Variants in NKAIN2 observed in about 807,000 individuals in gnomAD.
The protein encoded by NKAIN2 is sodium/potassium-transporting ATPase subunit beta-1-interacting protein 2.
NKAIN2 carries 14 observed loss-of-function variants against 32.6 expected under a neutral mutation model. The ratio of observed to expected loss-of-function variants is 0.43; its 90% confidence interval spans 0.28 to 0.67. The LOEUF is 0.67. Ranked by LOEUF, NKAIN2 falls within the 30% of genes least tolerant of loss-of-function variation. The pLI is 0.17. For missense variants in NKAIN2, 198 were observed against 258.3 expected, an observed-to-expected ratio of 0.77 and a Z score of 1.60; for synonymous variants, 80 against 87.2, an observed-to-expected ratio of 0.92 and a Z score of 0.46.
intron 1 of NKAIN2, among the ~76,000 whole-genome samples, chr6:124,044,289 C>T (rs1248662645): frequency 6.6e-6 from 1 of 151,940 alleles, no homozygotes; most frequent in African/African-American, 2.4e-5. Flanking sequence ...AGGCAAAGTT[C>T]TAAGCCTTCT....
At chr6:124,043,360 A>G (rs1781966368) in intron 1 of NKAIN2, among the ~76,000 whole-genome samples, 1 of 152,170 alleles carries the variant, frequency 6.6e-6, no homozygotes, top group South Asian at 2.1e-4. Context: ...AAAAATAAAT[A>G]AATATTAGAC....
In NKAIN2 at chr6:124,425,419, A is replaced by T. The variant is rs377337700; in HGVS notation, c.273+70072A>T. Among the ~76,000 whole-genome samples, 18 of 152,244 alleles carry T rather than the reference A, an allele frequency of 1.2e-4. No individual in the cohort carries two copies. The East Asian group carries it at 1.4e-3, about 11-fold the overall frequency. On this transcript the variant is annotated intron_variant, in intron 3 of 6. Coordinates refer to ENST00000368417, the MANE Select transcript of NKAIN2 (RefSeq NM_001040214.3). ...TGATATTGGTCTTGGCAGTGACCAA[A>T]CAAAAGCAACAAAAACAAAAATAAA...
At chr6:124,669,203 C>CA (rs767575459) in intron 4 of NKAIN2, among the ~76,000 whole-genome samples, 5 of 152,044 alleles carry the variant, frequency 3.3e-5, no homozygotes, top group Non-Finnish European at 7.4e-5. Flanking sequence ...TAACCAATGG[C>CA]ATTGTATTCT....
chr6:124,800,918 CA>C (rs1265465101), intron 5 of NKAIN2, among the ~76,000 whole-genome samples: 1 of 152,104 alleles, frequency 6.6e-6, no homozygotes, highest in Non-Finnish European at 1.5e-5. Flanking sequence ...AATCCTGCTA[CA>C]AAATGAAAAT....
intron 1 of NKAIN2, among the ~76,000 whole-genome samples, chr6:124,081,622 A>G (rs190784681): frequency 1.4e-4 from 21 of 152,210 alleles, no homozygotes; most frequent in Admixed American, 1.4e-3. Flanking sequence ...TCAGTAAAGG[A>G]TATTAAAGTT....
intron 1 of NKAIN2, among the ~76,000 whole-genome samples, chr6:124,147,524 T>G (rs1007942989): frequency 7.9e-5 from 12 of 152,174 alleles, no homozygotes; most frequent in African/African-American, 1.4e-4. Context: ...AAAGGTTCAT[T>G]TTTCCAATAC....
At chr6:124,136,466 A>C (rs1242764224) in intron 1 of NKAIN2, among the ~76,000 whole-genome samples, 1 of 152,154 alleles carries the variant, frequency 6.6e-6, no homozygotes, top group Non-Finnish European at 1.5e-5. Context: ...AAACTATTCC[A>C]AAAGATGGGG....
chr6:123,982,425 G>A (rs1778941575), intron 1 of NKAIN2, among the ~76,000 whole-genome samples: 1 of 152,168 alleles, frequency 6.6e-6, no homozygotes, highest in African/African-American at 2.4e-5. Flanking sequence ...ACTGCATAGG[G>A]CTTAGATGAG....
intron 2 of NKAIN2, among the ~76,000 whole-genome samples, chr6:124,285,325 C>T (rs1795488657): frequency 6.6e-6 from 1 of 152,114 alleles, no homozygotes; most frequent in South Asian, 2.1e-4. Context: ...CTTACAATAT[C>T]ATGCTGTCTG....
At chr6:123,975,539 G>T (rs892031435) in intron 1 of NKAIN2, among the ~76,000 whole-genome samples, 3 of 152,160 alleles carry the variant, frequency 2.0e-5, no homozygotes, top group Admixed American at 6.6e-5. Flanking sequence ...CACTTGGACT[G>T]CTGTAACAAA....
chr6:124,701,436 A>G (rs1398765301), intron 4 of NKAIN2, among the ~76,000 whole-genome samples: 1 of 152,038 alleles, frequency 6.6e-6, no homozygotes, highest in Non-Finnish European at 1.5e-5. Flanking sequence ...TTAAGTATGT[A>G]TTTTTGCGAT....
chr6:124,238,618 A>G (rs895338846), intron 1 of NKAIN2, among the ~76,000 whole-genome samples: 28 of 152,142 alleles, frequency 1.8e-4, no homozygotes, highest in African/African-American at 6.5e-4. Flanking sequence ...TGATTTCTGC[A>G]TTTGCAGCTA....
intron 1 of NKAIN2, among the ~76,000 whole-genome samples, chr6:124,274,412 A>T (rs1387767632): frequency 6.6e-6 from 1 of 152,154 alleles, no homozygotes; most frequent in Non-Finnish European, 1.5e-5. Flanking sequence ...AGAACAAAGA[A>T]CCTATTATAT....
At chr6:124,221,516 C>G (rs1791820644) in intron 1 of NKAIN2, among the ~76,000 whole-genome samples, 1 of 151,640 alleles carries the variant, frequency 6.6e-6, no homozygotes, top group Non-Finnish European at 1.5e-5. Context: ...TGTAACTAAC[C>G]TGCACAATGT....
intron 1 of NKAIN2, among the ~76,000 whole-genome samples, chr6:123,927,879 A>G (rs887783520): frequency 2.0e-5 from 3 of 152,166 alleles, no homozygotes; most frequent in Non-Finnish European, 4.4e-5. Context: ...TCCAGATTCC[A>G]TTGTTCAGAA....
At chr6:124,348,296 TGAG>T (rs769282283) in intron 2 of NKAIN2, among the ~76,000 whole-genome samples, 2 of 152,156 alleles carry the variant, frequency 1.3e-5, no homozygotes, top group Non-Finnish European at 2.9e-5. Flanking sequence ...GGGGCCCACT[TGAG>T]GAGGCAGTCT....
chr6:124,563,182 G>A (rs1780769054), intron 3 of NKAIN2, among the ~76,000 whole-genome samples: 1 of 152,064 alleles, frequency 6.6e-6, no homozygotes. Context: ...GGGATTACAG[G>A]CGTGAGCCAC....
intron 3 of NKAIN2, among the ~76,000 whole-genome samples, chr6:124,410,617 C>T (rs141199773): frequency 3.0e-4 from 45 of 152,192 alleles, no homozygotes; most frequent in African/African-American, 1.0e-3. Flanking sequence ...TACTTCCAAC[C>T]ATGTGGTCAA....
chr6:124,524,153 G>C (rs749077558), intron 3 of NKAIN2, among the ~76,000 whole-genome samples: 2 of 152,118 alleles, frequency 1.3e-5, no homozygotes, highest in Non-Finnish European at 2.9e-5. Flanking sequence ...AGATCAACAG[G>C]CATTAGTTAC....
Sources: allele counts gnomAD v4.1 joint callset (sites outside exome capture counted in the v4.1 genomes callset), GRCh38; gene constraint gnomAD v4.1.1; transcripts MANE v1.5; gene names NCBI Gene and HGNC (gene_info 2026-07-23, HGNC 2026-07-21).